The following ANK3 variants were observed in gnomAD, a reference collection of about 807,000 sequenced individuals.
ANK3 encodes the protein ankyrin-3.
In ANK3, 57 loss-of-function variants were observed where a neutral mutation model predicts 370.9. The observed-to-expected ratio is 0.15, with a 90% CI of 0.12 to 0.19. ANK3 has a LOEUF of 0.19. Ranked by LOEUF, ANK3 falls within the 10% of genes least tolerant of loss-of-function variation. ANK3 has a pLI of 1.00. For missense variants in ANK3, 4,439 were observed against 5,302.1 expected (o/e 0.84, Z 5.06); for synonymous variants, 1,929 against 1,946.3 (o/e 0.99, Z 0.23).
intron 1 of ANK3, among the ~76,000 whole-genome samples, chr10:60,624,887 A>G (rs2078387263): frequency 6.6e-6 from 1 of 152,190 alleles, no homozygotes; most frequent in South Asian, 2.1e-4. Context: ...GTTGAGAACT[A>G]AGAAGGAAGA....
chr10:60,123,290 T>C (rs533825305), intron 25 of ANK3, among the ~76,000 whole-genome samples: 26 of 152,362 alleles, frequency 1.7e-4, no homozygotes, highest in Non-Finnish European at 3.7e-4. Context: ...ATGCACATTA[T>C]TTAATGGAGT....
chr10:60,731,524 T>A (rs1181860584), intron 1 of ANK3, among the ~76,000 whole-genome samples: 2 of 152,248 alleles, frequency 1.3e-5, no homozygotes, highest in Non-Finnish European at 2.9e-5. Flanking sequence ...TTATTTATCC[T>A]CCACTGATTT....
At chr10:60,195,177 GGAGATC>G (rs11278386) in intron 16 of ANK3, among the ~76,000 whole-genome samples, 15,718 of 152,070 alleles carry the variant, frequency 0.1, 1,011 homozygotes, top group African/African-American at 0.17. Flanking sequence ...CACAAGGTCA[GGAGATC>G]GAGACCATCC....
intron 1 of ANK3, among the ~76,000 whole-genome samples, chr10:60,621,736 T>C (rs1427425605): frequency 6.6e-6 from 1 of 152,156 alleles, no homozygotes; most frequent in African/African-American, 2.4e-5. Context: ...TTTTTCAAGA[T>C]GATATTCGAG....
chr10:60,660,830 G>A (rs1229129194), intron 1 of ANK3, among the ~76,000 whole-genome samples: 1 of 151,990 alleles, frequency 6.6e-6, no homozygotes, highest in Non-Finnish European at 1.5e-5. Context: ...GTGTGACTCT[G>A]TAACAGTCAT....
chr10:60,062,980 C>T, intron 40 of ANK3, 131 bp downstream of exon 40: 2 of 917,272 alleles, frequency 2.2e-6, no homozygotes, highest in East Asian at 2.7e-5. Context: ...TATTTGCAGA[C>T]TCTGGCAGAG....
At chr10:60,374,168 CTCAGGACCAGTG>C (rs2060473394) in intron 1 of ANK3, among the ~76,000 whole-genome samples, 1 of 151,924 alleles carries the variant, frequency 6.6e-6, no homozygotes, top group South Asian at 2.1e-4. Context: ...GGGAAGGACT[CTCAGGACCAGTG>C]TCAGGGTCCT....
intron 1 of ANK3, among the ~76,000 whole-genome samples, chr10:60,690,313 G>A (rs1006598625): frequency 6.6e-6 from 1 of 152,062 alleles, no homozygotes; most frequent in Non-Finnish European, 1.5e-5. Flanking sequence ...AGGGGTCAGG[G>A]GATTTCCCTT....
rs749957951 is a variant in ANK3, at chr10:60,068,942, C to T, written c.11939G>A (p.Cys3980Tyr). 7.4e-6 allele frequency: 12 copies of T among 1,613,876 alleles called. No individual in the cohort carries two copies. In the East Asian group the frequency reaches 2.2e-4, roughly 30 times the overall value. Reference sequence around the variant, plus strand: ...CTGACTTTTCCTAACTTTAACTGTGCAGCTGGTGGTGGTGGTAGTGGTGGT... The same window carrying T: ...CTGACTTTTCCTAACTTTAACTGTGTAGCTGGTGGTGGTGGTAGTGGTGGT... ...TTTTTTTTTS[C>Y]TVKVRKSQLK... The change falls in exon 37 of 44, where the codon TGC becomes TAC. Residue 3980 changes from cysteine to tyrosine, a missense_variant. By Grantham distance (194) the Cys-to-Tyr change is radical. Coordinates refer to ENST00000280772, the MANE Select transcript of ANK3 (RefSeq NM_020987.5).
At chr10:60,579,339 A>C (rs967606964) in intron 2 of ANK3, among the ~76,000 whole-genome samples, 4 of 150,720 alleles carry the variant, frequency 2.7e-5, no homozygotes, top group Non-Finnish European at 4.4e-5. Context: ...AAAAAAAAAA[A>C]AAAAAAAAAA....
intron 42 of ANK3, among the ~76,000 whole-genome samples, chr10:60,052,130 G>A (rs2078168988): frequency 6.6e-6 from 1 of 152,162 alleles, no homozygotes; most frequent in African/African-American, 2.4e-5. Context: ...GGAGGCCAAG[G>A]CGGGTGGATC....
intron 1 of ANK3, among the ~76,000 whole-genome samples, chr10:60,690,208 C>A (rs12252935): frequency 0.33 from 50,730 of 152,044 alleles, 8,664 homozygotes; most frequent in African/African-American, 0.37. Flanking sequence ...AACTGAGGCA[C>A]CTGGTTCATC....
intron 1 of ANK3, among the ~76,000 whole-genome samples, chr10:60,352,227 G>T (rs1289197593): frequency 6.6e-6 from 1 of 152,186 alleles, no homozygotes; most frequent in South Asian, 2.1e-4. Flanking sequence ...CCCAGGAGGC[G>T]GAGGGGTGCA....
intron 1 of ANK3, among the ~76,000 whole-genome samples, chr10:60,694,955 A>T (rs1368441397): frequency 6.7e-6 from 1 of 149,046 alleles, no homozygotes; most frequent in Non-Finnish European, 1.5e-5. Context: ...AGACTGGCAA[A>T]TTGGATAAAG....
chr10:60,378,670 A>G (rs942356220), intron 1 of ANK3, among the ~76,000 whole-genome samples: 1 of 152,076 alleles, frequency 6.6e-6, no homozygotes, highest in Non-Finnish European at 1.5e-5. Context: ...ATGAAACTAG[A>G]CTTTCCCTTC....
At chr10:60,702,947 C>A (rs1406195822) in intron 1 of ANK3, among the ~76,000 whole-genome samples, 1 of 152,074 alleles carries the variant, frequency 6.6e-6, no homozygotes, top group African/African-American at 2.4e-5. Flanking sequence ...TTACAGGAAA[C>A]ACAGGGAATA....
rs1309478019 is a variant in ANK3 at position 60,029,762 on chromosome 10, A to ATT, written c.*82_*83dup. The ATT allele has an allele frequency of 6.6e-6, 1 of 152,016 alleles. No individual in the cohort carries two copies. Among genetic ancestry groups the ATT allele is most frequent in the Non-Finnish European group, 1.5e-5 (1 of 67,960 alleles). The allele number at this position is 152,016 out of a possible 1,614,324, so 9.4% of individuals were successfully genotyped here. A position where few individuals can be genotyped will look rare whatever the true frequency, so the allele number is the denominator to read the frequency against. On this transcript the variant is annotated 3_prime_UTR_variant, in exon 44 of 44. Coordinates refer to ENST00000280772, the MANE Select transcript of ANK3 (RefSeq NM_020987.5). Reference sequence around the variant, plus strand: ...CGAACACACACACACTTCTCGGTGAATTTTTACTTCCTGCTGACATTTCTT... The same window carrying ATT: ...CGAACACACACACACTTCTCGGTGAATTTTTTTACTTCCTGCTGACATTTCTT...
chr10:60,617,973 G>A (rs1178023114), intron 1 of ANK3, among the ~76,000 whole-genome samples: 6 of 152,090 alleles, frequency 3.9e-5, no homozygotes, highest in Non-Finnish European at 7.4e-5. Flanking sequence ...GCTCATAATT[G>A]AGTTTGATGT....
intron 7 of ANK3, among the ~76,000 whole-genome samples, chr10:60,254,241 T>A (rs1410120557): frequency 6.7e-6 from 1 of 148,924 alleles, no homozygotes; most frequent in African/African-American, 2.4e-5. Flanking sequence ...TGTTTTTTTT[T>A]TCCCCCCAAA....
Sources: gnomAD v4.1 joint callset for allele counts (sites outside exome capture counted in the v4.1 genomes callset) on GRCh38, gnomAD v4.1.1 for gene constraint, MANE v1.5 for transcripts, NCBI Gene and HGNC (gene_info 2026-07-23, HGNC 2026-07-21) for gene names.